Variants in CCNH observed in about 807,000 individuals in gnomAD.
CCNH encodes the protein cyclin H.
Under a neutral mutation model 41.9 loss-of-function variants are expected in CCNH, and 31 were observed. The observed-to-expected ratio is 0.74, with a 90% CI of 0.56 to 1.00. CCNH has a LOEUF of 1.00. Ranked by LOEUF, CCNH falls within the 50% of genes least tolerant of loss-of-function variation. The probability of loss-of-function intolerance (pLI) is 0.00; values close to 1 mark genes in which losing one functional copy is unlikely to be tolerated. For synonymous variants in CCNH, 138 were observed against 136.1 expected (o/e 1.01, Z -0.10); for missense variants, 362 against 388.4 (o/e 0.93, Z 0.57).
intron 9 of CCNH, among the ~76,000 whole-genome samples, chr5:87,361,639 C>A (rs553266175): frequency 6.6e-6 from 1 of 152,208 alleles, no homozygotes; most frequent in African/African-American, 2.4e-5. Context: ...TGATATAATT[C>A]TTTTCCTCAG....
chr5:87,390,343 T>C (rs954301413), downstream of CCNH, among the ~76,000 whole-genome samples: 7 of 152,116 alleles, frequency 4.6e-5, no homozygotes, highest in Non-Finnish European at 1.0e-4. Flanking sequence ...AGGGATTTTG[T>C]AGAAGGGATT....
At chr5:87,353,135 C>T (rs1396414029) in intron 9 of CCNH, 3 of 1,575,356 alleles carry the variant, frequency 1.9e-6, no homozygotes, top group South Asian at 2.2e-5. Context: ...CAGATTAATA[C>T]TAGAAATTTT....
chr5:87,378,808 A>G, upstream of CCNH, among the ~76,000 whole-genome samples: 1 of 152,120 alleles, frequency 6.6e-6, no homozygotes, highest in Non-Finnish European at 1.5e-5. Context: ...CTAATAATCT[A>G]TATACTACTT....
downstream of CCNH, chr5:87,392,192 GGT>G (rs1762575501): frequency 2.2e-6 from 1 of 449,178 alleles, no homozygotes; most frequent in African/African-American, 2.0e-5. Flanking sequence ...AACCCAAGGA[GGT>G]GTTCCCACAG....
At chr5:87,387,780 A>G (rs1478449766), downstream of CCNH, among the ~76,000 whole-genome samples, 2 of 152,208 alleles carry the variant, frequency 1.3e-5, no homozygotes, top group Non-Finnish European at 1.5e-5. Flanking sequence ...GCATAGCTCC[A>G]TATTTATAGT....
At chr5:87,399,579 T>C (rs968928038) in intron 6 of CCNH, 74 bp from the exon 7 acceptor site, 21 of 919,620 alleles carry the variant, frequency 2.3e-5, no homozygotes, top group Non-Finnish European at 3.5e-5. Context: ...CTGGTTACTT[T>C]TCCATTTTGT....
chr5:87,331,045 A>G (rs912840530), intron 9 of CCNH: 17 of 1,260,902 alleles, frequency 1.3e-5, no homozygotes, highest in Non-Finnish European at 1.8e-5. Context: ...ATCTGGTTGC[A>G]GTAGTGTTTA....
rs543620806 is a variant in CCNH, at chr5:87,333,685, T to C, written c.*91-14788A>G. 2.0e-5 allele frequency among the ~76,000 whole-genome samples: 3 copies of C among 152,352 alleles called. No individual in the cohort carries two copies. The East Asian group carries it at 5.8e-4, about 29-fold the overall frequency. ...CTATAAAGGATAAGCTTCTACTTTATGTAATGGGTGAATAATTTTAAACCT... is the reference window on the plus strand; with the variant it reads ...CTATAAAGGATAAGCTTCTACTTTACGTAATGGGTGAATAATTTTAAACCT... On this transcript the variant is annotated intron_variant and NMD_transcript_variant, in intron 9 of 9. Transcript: ENST00000645953.
chr5:87,347,641 C>A (rs544249650), intron 9 of CCNH, among the ~76,000 whole-genome samples: 36 of 151,878 alleles, frequency 2.4e-4, no homozygotes, highest in South Asian at 1.0e-3. Flanking sequence ...ATACTTTATT[C>A]TTTTGAAAGA....
chr5:87,399,507 T>A lies in CCNH; in HGVS notation c.761-2A>T. The A allele has an allele frequency of 6.3e-7, 1 of 1,589,780 alleles. No homozygotes were observed. Among genetic ancestry groups the A allele is most frequent in the Non-Finnish European group, 8.6e-7 (1 of 1,158,152 alleles). The stretch of plus-strand genomic sequence containing the variant: ...ACTTCTTTACTAAGTTTCTCATGCC[T>A]ATGTGGATACAAAAAAAGAATTTAA... On this transcript the variant is annotated splice_acceptor_variant, in intron 6 of 8. Transcript: ENST00000256897. LOFTEE classifies it high-confidence loss of function.
chr5:87,320,620 C>A (rs1319041519), intron 9 of CCNH, among the ~76,000 whole-genome samples: 2 of 152,172 alleles, frequency 1.3e-5, no homozygotes, highest in Non-Finnish European at 2.9e-5. Flanking sequence ...ATCACGAGAA[C>A]AGCAAGGGGA....
At chr5:87,332,082 G>T (rs535916995) in intron 9 of CCNH, among the ~76,000 whole-genome samples, 97 of 152,054 alleles carry the variant, frequency 6.4e-4, no homozygotes, top group African/African-American at 2.3e-3. Flanking sequence ...TTAAAATAAG[G>T]TTCAGTAGTA....
At chr5:87,334,789 G>C (rs957377073) in intron 9 of CCNH, among the ~76,000 whole-genome samples, 5 of 152,158 alleles carry the variant, frequency 3.3e-5, no homozygotes, top group African/African-American at 1.2e-4. Context: ...ACTTTAATCT[G>C]TATGATGAAA....
chr5:87,393,597 T>TAACA (rs980509262), downstream of CCNH: 40 of 152,224 alleles, frequency 2.6e-4, no homozygotes, highest in Admixed American at 2.2e-3. Flanking sequence ...TACATTTCTC[T>TAACA]AACATATTTA....
At chr5:87,331,083 G>A in intron 9 of CCNH, 1 of 973,138 alleles carries the variant, frequency 1.0e-6, no homozygotes. Context: ...AATCCTGGAA[G>A]TAGGGAGATG....
chr5:87,359,028 A>T (rs1561308015), intron 9 of CCNH, among the ~76,000 whole-genome samples: 1 of 152,160 alleles, frequency 6.6e-6, no homozygotes, highest in African/African-American at 2.4e-5. Flanking sequence ...CATGTAGTAC[A>T]ATTTATTTAT....
intron 9 of CCNH, among the ~76,000 whole-genome samples, chr5:87,323,523 G>A (rs1018462035): frequency 2.6e-5 from 4 of 152,136 alleles, no homozygotes; most frequent in Admixed American, 2.6e-4. Context: ...GTTCTTTGAG[G>A]CATATTTCAG....
At chr5:87,374,128 G>T (rs2112484449), downstream of CCNH, 1 of 1,305,458 alleles carries the variant, frequency 7.7e-7, no homozygotes, top group Non-Finnish European at 9.9e-7. Flanking sequence ...TAGAAATCTG[G>T]GGTAATATAT....
intron 9 of CCNH, chr5:87,346,717 A>G (rs572913754): frequency 1.3e-6 from 2 of 1,549,090 alleles, no homozygotes; most frequent in Non-Finnish European, 1.8e-6. Context: ...ATAATTTACT[A>G]ATGACAGGTA....
Sources: gnomAD v4.1 joint callset for allele counts (sites outside exome capture counted in the v4.1 genomes callset) on GRCh38, gnomAD v4.1.1 for gene constraint, MANE v1.5 for transcripts, NCBI Gene and HGNC (gene_info 2026-07-23, HGNC 2026-07-21) for gene names.